Variants in DNAH8 observed in about 807,000 individuals in gnomAD.
DNAH8 encodes axonemal beta dynein heavy chain 8.
DNAH8 carries 382 observed loss-of-function variants against 562.1 expected under a neutral mutation model. The observed-to-expected ratio is 0.68, with a 90% CI of 0.63 to 0.74. The LOEUF is 0.74. Among genes scored for constraint, DNAH8 ranks in the 30% least tolerant of loss-of-function variants. DNAH8 has a pLI of 0.00. For missense variants in DNAH8, 5,203 were observed against 5,620.4 expected (o/e 0.93, Z 2.37); for synonymous variants, 1,881 against 1,919.4 (o/e 0.98, Z 0.52).
chr6:38,776,004 A>G (rs1768027233), intron 13 of DNAH8, 53 bp downstream of exon 13: 2 of 1,083,646 alleles, frequency 1.8e-6, no homozygotes, highest in African/African-American at 3.2e-5. Flanking sequence ...AGTCAGTAGT[A>G]CTATCTGGTA....
In DNAH8 at chr6:38,984,159, A is replaced by G. The variant is rs372319392; in HGVS notation, c.12952-47A>G. On this transcript the variant is annotated intron_variant, in intron 86 of 92. Transcript: ENST00000327475. Reference sequence around the variant, plus strand: ...GGAAAGACCCGAAATGTTTATAATGATGTGTTTGGGTTGACAATTAATAAT... The same window carrying G: ...GGAAAGACCCGAAATGTTTATAATGGTGTGTTTGGGTTGACAATTAATAAT... The G allele has an allele frequency of 5.4e-6, 6 of 1,105,684 alleles. No homozygotes were observed. The Admixed American group carries it at 7.8e-5, about 14-fold the overall frequency. 68.5% of individuals were successfully genotyped at this position (1,105,684 alleles called of 1,614,324 possible). A position where few individuals can be genotyped will look rare whatever the true frequency, so the allele number is the denominator to read the frequency against.
At chr6:38,916,794 A>C (rs1462034742) in intron 68 of DNAH8, among the ~76,000 whole-genome samples, 1 of 152,190 alleles carries the variant, frequency 6.6e-6, no homozygotes, top group Non-Finnish European at 1.5e-5. Context: ...GCCATATATT[A>C]CAGTAATTTT....
In DNAH8 at chr6:38,857,609, CCAAT is replaced by C. The variant is rs761500341; in HGVS notation, c.5828_5831del (p.Asn1943ArgfsTer7). The C allele has an allele frequency of 6.2e-7, 1 of 1,613,724 alleles. No individual in the cohort carries two copies. Among genetic ancestry groups the C allele is most frequent in the South Asian group, 1.1e-5 (1 of 91,076 alleles). On this transcript the variant is annotated frameshift_variant, in exon 42 of 93. Coordinates refer to ENST00000327475, the MANE Select transcript of DNAH8 (RefSeq NM_001206927.2). LOFTEE classifies it high-confidence loss of function. Reference sequence around the variant, plus strand: ...GATGACAGGAAAATCATGCAAGTGACCAATCAGAAATTTTTGGATATTCTAAATA... The same window carrying C: ...GATGACAGGAAAATCATGCAAGTGACCAGAAATTTTTGGATATTCTAAATA...
At chr6:38,774,792 AC>A (rs1388307616) in intron 12 of DNAH8, among the ~76,000 whole-genome samples, 1 of 152,114 alleles carries the variant, frequency 6.6e-6, no homozygotes, top group Non-Finnish European at 1.5e-5. Flanking sequence ...TTAGGAGGAG[AC>A]CCAGATAGTT....
chr6:38,812,608 A>C (rs1044831454), intron 24 of DNAH8, among the ~76,000 whole-genome samples: 3 of 152,150 alleles, frequency 2.0e-5, no homozygotes, highest in Admixed American at 1.3e-4. Context: ...CTTTCCAACT[A>C]ACAACTTGTA....
At chr6:38,765,440 C>T (rs1240504695) in intron 11 of DNAH8, among the ~76,000 whole-genome samples, 8 of 152,152 alleles carry the variant, frequency 5.3e-5, no homozygotes, top group African/African-American at 1.9e-4. Context: ...CTTATCTTTA[C>T]ATGTTTAATC....
In DNAH8 at chr6:38,917,410, A is replaced by C. The variant is rs1561859274; in HGVS notation, c.10308+4A>C. The C allele has an allele frequency of 3.1e-6, 5 of 1,612,014 alleles. No individual in the cohort carries two copies. The Admixed American group carries it at 6.7e-5, about 22-fold the overall frequency. On this transcript the variant is annotated splice_donor_region_variant and intron_variant, in intron 69 of 92. Transcript: ENST00000327475. Reference sequence around the variant, plus strand: ...ATCATGGGGAGAGTCATTAAAGGTAAGTAAAATCTATCATTGTCAATCCTA... The same window carrying C: ...ATCATGGGGAGAGTCATTAAAGGTACGTAAAATCTATCATTGTCAATCCTA...
At chr6:38,832,938 A>C (rs771974014) in intron 31 of DNAH8, among the ~76,000 whole-genome samples, 1 of 152,166 alleles carries the variant, frequency 6.6e-6, no homozygotes, top group Non-Finnish European at 1.5e-5. Flanking sequence ...TTCTCATGGT[A>C]GAAAATGTAA....
chr6:38,782,993 T>TA lies in DNAH8; in HGVS notation c.2260-4dup, dbSNP rs746897422. 69 of 1,608,752 alleles carry TA rather than the reference T, an allele frequency of 4.3e-5. 2 individuals carry two copies. In the South Asian group the frequency reaches 6.9e-4, roughly 16 times the overall value. On this transcript the variant is annotated splice_polypyrimidine_tract_variant and intron_variant, in intron 16 of 92. Coordinates refer to ENST00000327475, the MANE Select transcript of DNAH8 (RefSeq NM_001206927.2). ...GTCTTTTAAAGTAAATCTTTTCCCT[T>TA]AAAAAAACAGAAAAACTCAGACATT...
intron 8 of DNAH8, among the ~76,000 whole-genome samples, chr6:38,747,344 ATT>A (rs2127592085): frequency 6.8e-6 from 1 of 147,566 alleles, no homozygotes; most frequent in South Asian, 2.2e-4. Flanking sequence ...TGGCTGGCTA[ATT>A]TTCTGGGCAC....
At chr6:38,893,515 G>A (rs1028038071) in intron 58 of DNAH8, among the ~76,000 whole-genome samples, 3 of 152,144 alleles carry the variant, frequency 2.0e-5, no homozygotes, top group African/African-American at 4.8e-5. Flanking sequence ...TATAAAAAAA[G>A]CAATATTCAC....
intron 82 of DNAH8, among the ~76,000 whole-genome samples, chr6:38,970,496 C>T (rs950358333): frequency 1.3e-5 from 2 of 152,186 alleles, no homozygotes; most frequent in African/African-American, 4.8e-5. Flanking sequence ...CTCCTTCAGG[C>T]TCTCATTGCA....
chr6:38,860,481 A>G lies in DNAH8; in HGVS notation c.5983A>G (p.Thr1995Ala), dbSNP rs776401497. The G allele has an allele frequency of 1.4e-6, 2 of 1,454,762 alleles. No individual in the cohort carries two copies. The highest frequency in any genetic ancestry group is 1.8e-6 in the Non-Finnish European group (2 of 1,100,916). The allele number at this position is 1,454,762 out of a possible 1,614,324, so 90.1% of individuals were successfully genotyped here. A position where few individuals can be genotyped will look rare whatever the true frequency, so the allele number is the denominator to read the frequency against. Residue 1995 changes from threonine to alanine, a missense_variant, in exon 43 of 93, where the codon ACT becomes GCT. By Grantham distance (58) the Thr-to-Ala change is moderately conservative (BLOSUM62 0). Transcript: ENST00000327475. ...DLVKMHIKSP[T>A]DFEWLKQSRF... The stretch of plus-strand genomic sequence containing the variant: ...GGTAAAAATGCATATCAAATCACCT[A>G]CTGACTTTGAATGGCTAAAACAGAG...
chr6:38,868,975 G>A (rs1777270455), intron 48 of DNAH8, among the ~76,000 whole-genome samples: 1 of 152,022 alleles, frequency 6.6e-6, no homozygotes, highest in African/African-American at 2.4e-5. Flanking sequence ...GCCCAGCCCA[G>A]CCCAGCCAGG....
chr6:39,002,112 T>C (rs955928237), intron 88 of DNAH8, among the ~76,000 whole-genome samples: 1 of 152,128 alleles, frequency 6.6e-6, no homozygotes, highest in Non-Finnish European at 1.5e-5. Flanking sequence ...ATTTGTTTGG[T>C]ACAGGAAACA....
intron 10 of DNAH8, among the ~76,000 whole-genome samples, chr6:38,760,896 A>G (rs144575999): frequency 1.1e-3 from 161 of 152,082 alleles, no homozygotes; most frequent in Admixed American, 1.5e-3. Flanking sequence ...GAGCCAAATA[A>G]ACCTCTTTTC....
chr6:38,905,945 G>A (rs759991426), intron 62 of DNAH8, among the ~76,000 whole-genome samples: 5 of 151,906 alleles, frequency 3.3e-5, no homozygotes, highest in Non-Finnish European at 5.9e-5. Flanking sequence ...TCACTCTGTC[G>A]CCCAGGCTGG....
rs982791385 is a variant in DNAH8, at chr6:38,915,384, A to G, written c.10140+7A>G. The G allele has an allele frequency of 7.0e-6, 11 of 1,560,342 alleles. No individual in the cohort carries two copies. The Admixed American group carries it at 2.3e-4, about 33-fold the overall frequency. The stretch of plus-strand genomic sequence containing the variant: ...AGCAGAAGCAGCCCTGAATGTGAGC[A>G]GTGCATTGTTACCCCTTCCAACACA... On this transcript the variant is annotated splice_region_variant and intron_variant, in intron 68 of 92. Transcript: ENST00000327475.
At chr6:38,804,792 AG>A (rs66991718) in intron 22 of DNAH8, among the ~76,000 whole-genome samples, 22,623 of 151,502 alleles carry the variant, frequency 0.15, 1,861 homozygotes, top group East Asian at 0.3. Flanking sequence ...AGAGAGAGAA[AG>A]AGAAAACTGT....
Sources: allele counts gnomAD v4.1 joint callset (sites outside exome capture counted in the v4.1 genomes callset), GRCh38; gene constraint gnomAD v4.1.1; transcripts MANE v1.5; gene names NCBI Gene and HGNC (gene_info 2026-07-23, HGNC 2026-07-21).